The following N4BP2L2 variants were observed in gnomAD, a reference collection of about 807,000 sequenced individuals.
The protein encoded by N4BP2L2 is NEDD4 binding protein 2 like 2, also known as NEDD4-binding protein 2-like 2.
In N4BP2L2, 50 loss-of-function variants were observed where a neutral mutation model predicts 56.2. That is an observed-to-expected ratio of 0.89 (90% CI 0.71 to 1.13). The LOEUF (loss-of-function observed/expected upper bound fraction) is 1.13, where lower values mean the gene tolerates loss of function less well. Among genes scored for constraint, N4BP2L2 ranks in the 50% most tolerant of loss-of-function variants. The probability of loss-of-function intolerance (pLI) is 0.00; values close to 1 mark genes in which losing one functional copy is unlikely to be tolerated. For missense variants in N4BP2L2, 689 were observed against 693.8 expected, an observed-to-expected ratio of 0.99 and a Z score of 0.08; for synonymous variants, 203 against 223.6, an observed-to-expected ratio of 0.91 and a Z score of 0.82.
intron 7 of N4BP2L2, among the ~76,000 whole-genome samples, chr13:32,440,575 T>C (rs1023209792): frequency 6.6e-6 from 1 of 151,932 alleles, no homozygotes; most frequent in Admixed American, 6.6e-5. Context: ...CAAGCAATTA[T>C]CCTGCCTCAG....
chr13:32,531,305 A>G (rs1172662058), intron 2 of N4BP2L2, among the ~76,000 whole-genome samples: 1 of 152,228 alleles, frequency 6.6e-6, no homozygotes, highest in Non-Finnish European at 1.5e-5. Context: ...TACAGCCTTG[A>G]GTAATCAATG....
At chr13:32,529,028 A>G (rs2053888262) in intron 2 of N4BP2L2, among the ~76,000 whole-genome samples, 1 of 152,202 alleles carries the variant, frequency 6.6e-6, no homozygotes, top group South Asian at 2.1e-4. Context: ...ATACTCTACA[A>G]TGTGAATATT....
At chr13:32,537,694 G>T (rs1489776221) in intron 1 of N4BP2L2, among the ~76,000 whole-genome samples, 1 of 152,106 alleles carries the variant, frequency 6.6e-6, no homozygotes, top group African/African-American at 2.4e-5. Flanking sequence ...GATGATAACG[G>T]AAATTTGTAT....
chr13:32,515,105 TCCA>T (rs1324235788), exon 6 of N4BP2L2: 1 of 147,272 alleles, frequency 6.8e-6, no homozygotes, highest in Non-Finnish European at 1.5e-5. Context: ...GCCACTGTAC[TCCA>T]GCTTGGGTGA....
In N4BP2L2 at chr13:32,523,861, G is replaced by A. The variant is rs189114146; in HGVS notation, c.1385-1591C>T. 5.0e-4 allele frequency: 76 copies of A among 152,158 alleles called. 2 individuals carry two copies. Among genetic ancestry groups the A allele is most frequent in the Admixed American group, 4.0e-3 (61 of 15,274 alleles). The allele number at this position is 152,158 out of a possible 1,614,324, so 9.4% of individuals were successfully genotyped here. A position where few individuals can be genotyped will look rare whatever the true frequency, so the allele number is the denominator to read the frequency against. ...TAAAAGACTACAAATAGGATGCAGTGTATACTGCTTGGGTGATGGGTGCAC... is the reference window on the plus strand; with the variant it reads ...TAAAAGACTACAAATAGGATGCAGTATATACTGCTTGGGTGATGGGTGCAC... On this transcript the variant is annotated intron_variant, in intron 3 of 5. Coordinates refer to ENST00000267068, the Ensembl canonical transcript of N4BP2L2.
chr13:32,474,821 C>G (rs1473854965), intron 6 of N4BP2L2, among the ~76,000 whole-genome samples: 3 of 152,170 alleles, frequency 2.0e-5, no homozygotes, highest in Admixed American at 6.5e-5. Flanking sequence ...ACTTAAGTAG[C>G]ATTTAAAGGA....
At chr13:32,527,731 A>T (rs1390079489) in intron 2 of N4BP2L2, among the ~76,000 whole-genome samples, 199 bp from the exon 3 acceptor site, 1 of 152,214 alleles carries the variant, frequency 6.6e-6, no homozygotes, top group Non-Finnish European at 1.5e-5. Context: ...TCAGATTTCA[A>T]ATCACTTTAC....
intron 6 of N4BP2L2, among the ~76,000 whole-genome samples, chr13:32,487,716 A>G (rs1030718861): frequency 6.6e-6 from 1 of 152,082 alleles, no homozygotes; most frequent in East Asian, 1.9e-4. Context: ...ATTAGGTGAG[A>G]TTTTATATAT....
intron 6 of N4BP2L2, among the ~76,000 whole-genome samples, chr13:32,450,505 T>C (rs536820914): frequency 6.6e-6 from 1 of 152,170 alleles, no homozygotes; most frequent in South Asian, 2.1e-4. Context: ...TTTGTATTTT[T>C]AGTAGAGACG....
At chr13:32,528,040 G>A (rs1026217114) in intron 2 of N4BP2L2, among the ~76,000 whole-genome samples, 3 of 152,162 alleles carry the variant, frequency 2.0e-5, no homozygotes, top group African/African-American at 7.2e-5. Context: ...AAAGTGCTGG[G>A]ATTACAGGCA....
At chr13:32,463,498 T>C (rs529107507) in intron 6 of N4BP2L2, among the ~76,000 whole-genome samples, 8 of 151,920 alleles carry the variant, frequency 5.3e-5, no homozygotes, top group African/African-American at 1.9e-4. Flanking sequence ...ACCCCATCTC[T>C]ACTAAAAATA....
rs778342939 is a variant in N4BP2L2 at position 32,534,341 on chromosome 13, AAT to A, written c.1259+1426_1259+1427del. Among the ~76,000 whole-genome samples the A allele has an allele frequency of 3.9e-5, 6 of 152,248 alleles. No individual in the cohort carries two copies. In the East Asian group the frequency reaches 5.8e-4, roughly 15 times the overall value. ...TTCACCTTTAATTTCAACATACTCC[AAT>A]ATGTTGTCTCAAATCTAACTTTTCT... On this transcript the variant is annotated intron_variant, in intron 2 of 5. Coordinates refer to ENST00000267068, the Ensembl canonical transcript of N4BP2L2.
At chr13:32,444,236 G>C (rs1487567428) in intron 6 of N4BP2L2, 1 of 769,824 alleles carries the variant, frequency 1.3e-6, no homozygotes, top group Non-Finnish European at 1.9e-6. Context: ...TAGTACAAGA[G>C]ACTCTCAAGT....
intron 7 of N4BP2L2, among the ~76,000 whole-genome samples, chr13:32,441,690 CATAAATAAATAA>C (rs199951664): frequency 0.015 from 2,094 of 137,634 alleles, 48 homozygotes; most frequent in African/African-American, 0.049. Context: ...CTCTCAAAAA[CATAAATAAATAA>C]ATAAATAAAT....
chr13:32,498,653 T>A (rs1414094440), intron 6 of N4BP2L2, among the ~76,000 whole-genome samples: 1 of 151,932 alleles, frequency 6.6e-6, no homozygotes, highest in Non-Finnish European at 1.5e-5. Context: ...TAGTAATCAC[T>A]TCTTTATTAT....
downstream of N4BP2L2, chr13:32,505,321 G>A (rs1299579601): frequency 1.3e-5 from 2 of 152,064 alleles, no homozygotes; most frequent in Non-Finnish European, 2.9e-5. Flanking sequence ...TCTCTATCCT[G>A]GCTTCTGCTA....
intron 6 of N4BP2L2, among the ~76,000 whole-genome samples, chr13:32,454,590 A>G (rs1249259464): frequency 6.6e-6 from 1 of 152,236 alleles, no homozygotes; most frequent in African/African-American, 2.4e-5. Context: ...CTTATTAGAC[A>G]AAGACTTTAT....
intron 6 of N4BP2L2, chr13:32,446,648 T>C (rs2077096386): frequency 2.0e-6 from 1 of 489,462 alleles, no homozygotes. Flanking sequence ...AGCTCTCTAC[T>C]GTACAAAGAA....
At chr13:32,535,703 G>T in intron 2 of N4BP2L2, 66 bp downstream of exon 2, 1 of 1,514,332 alleles carries the variant, frequency 6.6e-7, no homozygotes, top group South Asian at 1.3e-5. Flanking sequence ...TGCAGCCGGC[G>T]ACAAATATCA....
Sources: gnomAD v4.1 joint callset for allele counts (sites outside exome capture counted in the v4.1 genomes callset) on GRCh38, gnomAD v4.1.1 for gene constraint, MANE v1.5 for transcripts, NCBI Gene and HGNC (gene_info 2026-07-23, HGNC 2026-07-21) for gene names.